IMMP2L: variants seen among roughly 807,000 people sequenced by gnomAD.
IMMP2L encodes the protein inner mitochondrial membrane peptidase subunit 2, also known as mitochondrial inner membrane protease subunit 2.
A neutral mutation model predicts 19.3 loss-of-function variants in IMMP2L; 18 were observed. The ratio of observed to expected loss-of-function variants is 0.93; its 90% CI spans 0.64 to 1.38. The LOEUF is 1.38. IMMP2L is among the 40% of genes most tolerant of loss of function. The pLI, the probability that IMMP2L is intolerant of heterozygous loss-of-function variation, is 0.00. For synonymous variants in IMMP2L, 76 were observed against 73.0 expected (o/e 1.04, Z -0.21); for missense variants, 233 against 218.2 (o/e 1.07, Z -0.43).
At chr7:111,441,669 T>C (rs552104489) in intron 3 of IMMP2L, among the ~76,000 whole-genome samples, 1 of 147,700 alleles carries the variant, frequency 6.8e-6, no homozygotes. Flanking sequence ...GTTGAAAAAA[T>C]GGTCCCAACG....
chr7:111,492,484 T>C, intron 2 of IMMP2L: 1 of 591,294 alleles, frequency 1.7e-6, no homozygotes, highest in East Asian at 1.4e-4. Flanking sequence ...TTTGTCAAAG[T>C]CCTTATCTGA....
At chr7:110,920,488 A>C (rs908447601) in intron 4 of IMMP2L, among the ~76,000 whole-genome samples, 8 of 152,172 alleles carry the variant, frequency 5.3e-5, no homozygotes, top group Admixed American at 2.0e-4. Flanking sequence ...AAAGTTTTTG[A>C]AAGTGATTTG....
chr7:111,221,682 C>T (rs1025170178), intron 3 of IMMP2L, among the ~76,000 whole-genome samples: 1 of 151,834 alleles, frequency 6.6e-6, no homozygotes, highest in Non-Finnish European at 1.5e-5. Flanking sequence ...ATAAATACAG[C>T]AAATTTGTGG....
intron 3 of IMMP2L, among the ~76,000 whole-genome samples, chr7:111,191,061 T>C (rs1186130080): frequency 2.0e-5 from 3 of 152,076 alleles, no homozygotes; most frequent in African/African-American, 2.4e-5. Flanking sequence ...ATCAAAGAGA[T>C]AGTAAGGGTG....
rs142936847 is a variant in IMMP2L, at chr7:111,440,904, C to T, written c.239+46334G>A. Among the ~76,000 whole-genome samples, 6 of 152,068 alleles carry T rather than the reference C, an allele frequency of 3.9e-5. 1 individual carries two copies. The highest frequency in any genetic ancestry group is 1.5e-4 in the African/African-American group (6 of 41,324). The stretch of plus-strand genomic sequence containing the variant: ...GCTGCAGCTTCTACATCAGCACTTG[C>T]TGCTTCACTTTGTACTTACATGTTA... On this transcript the variant is annotated intron_variant, in intron 3 of 5. Transcript: ENST00000405709.
chr7:111,242,700 A>C (rs1815246179), intron 3 of IMMP2L, among the ~76,000 whole-genome samples: 2 of 151,988 alleles, frequency 1.3e-5, no homozygotes. Context: ...ATCTCAGATG[A>C]CCACTCTAAA....
intron 1 of IMMP2L, among the ~76,000 whole-genome samples, chr7:111,548,611 C>T (rs1849161415): frequency 6.6e-6 from 1 of 152,060 alleles, no homozygotes; most frequent in South Asian, 2.1e-4. Context: ...AAGTAATCAC[C>T]ATCAACCATT....
intron 5 of IMMP2L, among the ~76,000 whole-genome samples, chr7:110,668,936 T>C (rs564922535): frequency 6.6e-6 from 1 of 151,864 alleles, no homozygotes; most frequent in Admixed American, 6.6e-5. Context: ...TATATGAACT[T>C]TGTAAAAATT....
intron 3 of IMMP2L, among the ~76,000 whole-genome samples, chr7:111,330,023 C>G (rs1825722118): frequency 6.6e-6 from 1 of 151,642 alleles, no homozygotes; most frequent in East Asian, 1.9e-4. Context: ...ACACTCAAAA[C>G]TAATAAATAT....
At chr7:110,805,135 T>C (rs1801537135) in intron 5 of IMMP2L, among the ~76,000 whole-genome samples, 1 of 152,120 alleles carries the variant, frequency 6.6e-6, no homozygotes, top group Non-Finnish European at 1.5e-5. Context: ...AAAAGGTAGA[T>C]GAGTGACTCA....
intron 3 of IMMP2L, among the ~76,000 whole-genome samples, chr7:111,103,371 G>C (rs1314644598): frequency 6.6e-6 from 1 of 151,542 alleles, no homozygotes; most frequent in Non-Finnish European, 1.5e-5. Flanking sequence ...GTTTTTACCA[G>C]TTTATAAATA....
chr7:110,991,363 A>G (rs1822436937), intron 3 of IMMP2L, among the ~76,000 whole-genome samples: 1 of 152,210 alleles, frequency 6.6e-6, no homozygotes, highest in Non-Finnish European at 1.5e-5. Flanking sequence ...AATGCAATAT[A>G]ATTCCACCAT....
intron 5 of IMMP2L, among the ~76,000 whole-genome samples, chr7:110,808,354 T>A (rs1467552358): frequency 6.6e-6 from 1 of 152,050 alleles, no homozygotes; most frequent in African/African-American, 2.4e-5. Flanking sequence ...TCTGCTGTCA[T>A]CCAACATTTC....
intron 3 of IMMP2L, among the ~76,000 whole-genome samples, chr7:111,427,640 G>C (rs546053649): frequency 1.3e-5 from 2 of 151,900 alleles, no homozygotes; most frequent in African/African-American, 4.8e-5. Flanking sequence ...TTTCTATTCA[G>C]AGTGCCAGAA....
At chr7:111,516,217 TC>T (rs1261085039) in intron 2 of IMMP2L, among the ~76,000 whole-genome samples, 1 of 151,996 alleles carries the variant, frequency 6.6e-6, no homozygotes, top group Non-Finnish European at 1.5e-5. Context: ...AATATACCAA[TC>T]AGCAAGCATC....
At position 111,123,831 on chromosome 7, in the gene IMMP2L, C is replaced by A. The variant is rs1481255547; in HGVS notation, c.240-160266G>T. On this transcript the variant is annotated intron_variant, in intron 3 of 5. Coordinates refer to ENST00000405709, the MANE Select transcript of IMMP2L (RefSeq NM_032549.4). The surrounding 1 kb of genome is among the most constrained non-coding windows in gnomAD (Gnocchi z 6.4). ...CTCTCAGTGCCCTGTACCATGGTAC[C>A]ATTGAGTCTCTGCCAAACCTCAAGG... 6.2e-7 allele frequency: 1 copy of A among 1,613,950 alleles called. No homozygotes were observed. Among genetic ancestry groups the A allele is most frequent in the Non-Finnish European group, 8.5e-7 (1 of 1,179,964 alleles).
chr7:111,329,286 G>T, intron 3 of IMMP2L, among the ~76,000 whole-genome samples: 1 of 151,710 alleles, frequency 6.6e-6, no homozygotes, highest in East Asian at 1.9e-4. Context: ...AAAAAGAGAA[G>T]GAGAAGAATT....
intron 5 of IMMP2L, among the ~76,000 whole-genome samples, chr7:110,738,827 T>C (rs1483031403): frequency 6.6e-6 from 1 of 152,180 alleles, no homozygotes; most frequent in Non-Finnish European, 1.5e-5. Context: ...AAGCATCAGG[T>C]TCTGTAATGG....
chr7:111,397,957 C>A (rs192270439), intron 3 of IMMP2L, among the ~76,000 whole-genome samples: 21 of 152,106 alleles, frequency 1.4e-4, no homozygotes, highest in African/African-American at 5.1e-4. Flanking sequence ...TGAAATAATT[C>A]ATTTATACTT....
Sources: allele counts gnomAD v4.1 joint callset (sites outside exome capture counted in the v4.1 genomes callset), GRCh38; gene constraint gnomAD v4.1.1; non-coding constraint Gnocchi (gnomAD v3.1); transcripts MANE v1.5; gene names NCBI Gene and HGNC (gene_info 2026-07-23, HGNC 2026-07-21).